RIC1: variants seen among roughly 807,000 people sequenced by gnomAD.
The protein encoded by RIC1 is guanine nucleotide exchange factor subunit RIC1.
In RIC1, 88 loss-of-function variants were observed where a neutral mutation model predicts 169.0. The ratio of observed to expected loss-of-function variants is 0.52; its 90% confidence interval spans 0.44 to 0.62. The LOEUF (loss-of-function observed/expected upper bound fraction) is 0.62, where lower values mean the gene tolerates loss of function less well. RIC1 is among the 20% of genes least tolerant of loss of function. The probability of loss-of-function intolerance (pLI) is 0.00; values close to 1 mark genes in which losing one functional copy is unlikely to be tolerated. For missense variants in RIC1, 1,877 were observed against 1,725.5 expected, an observed-to-expected ratio of 1.09 and a Z score of -1.56; for synonymous variants, 790 against 601.5, an observed-to-expected ratio of 1.31 and a Z score of -4.59.
intron 2 of RIC1, among the ~76,000 whole-genome samples, chr9:5,680,471 T>C (rs1380728195): frequency 6.6e-6 from 1 of 152,216 alleles, no homozygotes; most frequent in African/African-American, 2.4e-5. Flanking sequence ...CATCTGGTTC[T>C]GGACTTTTTT....
intron 8 of RIC1, among the ~76,000 whole-genome samples, chr9:5,741,448 C>G (rs552496382): frequency 3.1e-4 from 47 of 152,240 alleles, no homozygotes; most frequent in African/African-American, 1.1e-3. Context: ...CTCAGATATA[C>G]ATTACACTTT....
intron 2 of RIC1, among the ~76,000 whole-genome samples, chr9:5,675,338 A>G (rs1221873188): frequency 3.9e-5 from 6 of 152,190 alleles, no homozygotes; most frequent in Admixed American, 6.5e-5. Flanking sequence ...TGGAGGAGGT[A>G]ATCTAAAAAG....
At position 5,629,167 on chromosome 9, in the gene RIC1, G is replaced by A. The variant is rs1817593228; in HGVS notation, c.-143G>A. ...GCGCAGCCTTGCGTCGGCCCGGCCC[G>A]GCCAGGCCAGCGGGCAGATGCCCCG... is the stretch of plus-strand genomic sequence containing the variant. On this transcript the variant is annotated 5_prime_UTR_variant, in exon 1 of 26. Transcript: ENST00000414202. The A allele has an allele frequency of 5.0e-6, 4 of 793,416 alleles. No homozygotes were observed. Among genetic ancestry groups the A allele is most frequent in the East Asian group, 3.7e-5 (1 of 27,222 alleles). 49.1% of individuals were successfully genotyped at this position (793,416 alleles called of 1,614,324 possible). A position where few individuals can be genotyped will look rare whatever the true frequency, so the allele number is the denominator to read the frequency against.
At chr9:5,702,530 GTTTTTGTTTT>G (rs752963328) in intron 3 of RIC1, among the ~76,000 whole-genome samples, 2 of 122,278 alleles carry the variant, frequency 1.6e-5, no homozygotes, top group African/African-American at 1.0e-4. Context: ...TTTTGTTTTT[GTTTTTGTTTT>G]TGTTTGTTTG....
intron 13 of RIC1, 101 bp from the exon 14 acceptor site, chr9:5,753,435 A>G (rs566084921): frequency 2.9e-5 from 24 of 836,018 alleles, no homozygotes; most frequent in Middle Eastern, 4.7e-4. Flanking sequence ...ATTAGCAAAC[A>G]TTTATTAATT....
intron 2 of RIC1, among the ~76,000 whole-genome samples, chr9:5,687,799 TTAAA>T (rs1821342190): frequency 6.6e-6 from 1 of 152,230 alleles, no homozygotes; most frequent in Non-Finnish European, 1.5e-5. Flanking sequence ...TTGAATTTAA[TTAAA>T]TATTTTTTTT....
chr9:5,699,108 A>G (rs1334470092), intron 3 of RIC1, among the ~76,000 whole-genome samples: 2 of 152,254 alleles, frequency 1.3e-5, no homozygotes, highest in Non-Finnish European at 2.9e-5. Context: ...AGCTTCTTTA[A>G]TATAGCGAGA....
At chr9:5,629,553 C>A (rs1264521811) in intron 1 of RIC1, 100 bp downstream of exon 1, 49 of 1,259,180 alleles carry the variant, frequency 3.9e-5, no homozygotes, top group Non-Finnish European at 2.0e-5. Flanking sequence ...CCTGCCCCTT[C>A]GTGCCAGACC....
chr9:5,649,045 G>C (rs929062026), intron 1 of RIC1, among the ~76,000 whole-genome samples: 24 of 152,094 alleles, frequency 1.6e-4, no homozygotes, highest in African/African-American at 5.3e-4. Flanking sequence ...TGAAGTGGGA[G>C]AATCATTTGA....
At chr9:5,698,313 A>T (rs1822023319) in intron 3 of RIC1, among the ~76,000 whole-genome samples, 1 of 152,074 alleles carries the variant, frequency 6.6e-6, no homozygotes, top group Non-Finnish European at 1.5e-5. Flanking sequence ...TTGTGGTTTG[A>T]TTTTTGGTTT....
intron 3 of RIC1, among the ~76,000 whole-genome samples, chr9:5,711,645 A>G (rs548964893): frequency 3.9e-5 from 6 of 152,168 alleles, no homozygotes; most frequent in Non-Finnish European, 1.5e-5. Context: ...TTACATATGT[A>G]TACATGTGCT....
At chr9:5,689,123 A>G (rs1232081411) in intron 2 of RIC1, among the ~76,000 whole-genome samples, 1 of 129,518 alleles carries the variant, frequency 7.7e-6, no homozygotes, top group Non-Finnish European at 1.5e-5. Context: ...ATCTTAGCTC[A>G]CTGCAAGCTC....
intron 21 of RIC1, among the ~76,000 whole-genome samples, chr9:5,767,225 C>G (rs1023798179): frequency 1.3e-5 from 2 of 152,174 alleles, no homozygotes; most frequent in Admixed American, 6.5e-5. Context: ...GCATTTGACA[C>G]TCTTGTGACC....
At chr9:5,668,694 T>G (rs934052207) in intron 2 of RIC1, among the ~76,000 whole-genome samples, 9 of 152,212 alleles carry the variant, frequency 5.9e-5, no homozygotes, top group African/African-American at 1.9e-4. Flanking sequence ...TTCATTTTAG[T>G]TACTGTACTT....
chr9:5,689,918 C>T, intron 2 of RIC1, 41 bp from the exon 3 acceptor site: 2 of 1,324,012 alleles, frequency 1.5e-6, no homozygotes, highest in Non-Finnish European at 2.1e-6. Flanking sequence ...ACAGTTATAG[C>T]CTTACTCTTT....
In RIC1 at chr9:5,776,338, CAACTGTTTA is replaced by C. The variant is rs1365170782; in HGVS notation, c.*2094_*2102del. 2 of 152,132 alleles carry C rather than the reference CAACTGTTTA, an allele frequency of 1.3e-5. No homozygotes were observed. Among genetic ancestry groups the C allele is most frequent in the African/African-American group, 4.8e-5 (2 of 41,526 alleles). 9.4% of individuals were successfully genotyped at this position (152,132 alleles called of 1,614,324 possible). ...TTATTGTGGTGTTTGGTTCACATAT[CAACTGTTTA>C]AGCCATAATTTTAGCCAATGAATTT... On this transcript the variant is annotated 3_prime_UTR_variant, in exon 26 of 26. Transcript: ENST00000414202.
intron 2 of RIC1, among the ~76,000 whole-genome samples, chr9:5,666,469 C>G (rs971308780): frequency 3.3e-5 from 5 of 151,984 alleles, no homozygotes; most frequent in Admixed American, 6.6e-5. Flanking sequence ...TGTTCTTGTT[C>G]TAGCGGGAAG....
intron 1 of RIC1, among the ~76,000 whole-genome samples, chr9:5,642,381 G>A (rs1818295439): frequency 6.9e-6 from 1 of 144,042 alleles, no homozygotes; most frequent in Non-Finnish European, 1.5e-5. Flanking sequence ...AAGGCCTGCT[G>A]TCACCACCAC....
intron 3 of RIC1, among the ~76,000 whole-genome samples, chr9:5,694,106 G>A (rs907761397): frequency 6.6e-6 from 1 of 152,066 alleles, no homozygotes; most frequent in Non-Finnish European, 1.5e-5. Context: ...ATGAATTAGT[G>A]CCAGCTGGAA....
Sources: gnomAD v4.1 joint callset for allele counts (sites outside exome capture counted in the v4.1 genomes callset) on GRCh38, gnomAD v4.1.1 for gene constraint, MANE v1.5 for transcripts, NCBI Gene and HGNC (gene_info 2026-07-23, HGNC 2026-07-21) for gene names.